The following LYN variants were observed in gnomAD, a reference collection of about 807,000 sequenced individuals.
The protein encoded by LYN is LYN proto-oncogene, Src family tyrosine kinase.
LYN carries 12 observed loss-of-function variants against 65.0 expected under a neutral mutation model. That is an observed-to-expected ratio of 0.18 (90% CI 0.12 to 0.30). The LOEUF (loss-of-function observed/expected upper bound fraction) is 0.30. LYN is among the 10% of genes least tolerant of loss of function. The probability of loss-of-function intolerance (pLI) is 1.00; values close to 1 mark genes in which losing one functional copy is unlikely to be tolerated. For missense variants in LYN, 380 were observed against 623.2 expected, an observed-to-expected ratio of 0.61 and a Z score of 4.16; for synonymous variants, 222 against 221.2, an observed-to-expected ratio of 1.00 and a Z score of -0.03.
chr8:56,009,844 T>C lies in LYN; in HGVS notation c.1337-64T>C, dbSNP rs1163187799. The C allele has an allele frequency of 3.7e-6, 5 of 1,360,776 alleles. No homozygotes were observed. The African/African-American group carries it at 5.7e-5, about 16-fold the overall frequency. 84.3% of individuals were successfully genotyped at this position (1,360,776 alleles called of 1,614,324 possible). A position where few individuals can be genotyped will look rare whatever the true frequency, so the allele number is the denominator to read the frequency against. On this transcript the variant is annotated intron_variant, in intron 12 of 12. Transcript: ENST00000519728. The stretch of plus-strand genomic sequence containing the variant: ...AGGAGCAAAAAGACCACTGCAGTGC[T>C]TGACCCTCTGCCAGGTTTCTAAACG...
At chr8:55,932,964 G>C (rs550818107) in intron 1 of LYN, among the ~76,000 whole-genome samples, 3 of 152,302 alleles carry the variant, frequency 2.0e-5, no homozygotes, top group Admixed American at 2.0e-4. Context: ...GACTACTAAA[G>C]TGGGGGAGGG....
chr8:55,913,490 G>T lies in LYN; in HGVS notation c.-5-28365G>T, dbSNP rs138348583. Reference sequence around the variant, plus strand: ...TAGAAAACACCAACTTGAATAAAACGATTAAAGTTGTGCTTGCTGAATTTC... The same window carrying T: ...TAGAAAACACCAACTTGAATAAAACTATTAAAGTTGTGCTTGCTGAATTTC... On this transcript the variant is annotated intron_variant, in intron 1 of 12. Transcript: ENST00000519728. Among the ~76,000 whole-genome samples, 10 of 152,282 alleles carry T rather than the reference G, an allele frequency of 6.6e-5. 1 individual carries two copies. The highest frequency in any genetic ancestry group is 3.9e-4 in the Admixed American group (6 of 15,298).
intron 1 of LYN, among the ~76,000 whole-genome samples, chr8:55,890,133 A>ATAAAT (rs1804914027): frequency 6.7e-6 from 1 of 150,056 alleles, no homozygotes. Context: ...AAAAAAAAAA[A>ATAAAT]AAAAAGAATA....
chr8:56,000,706 C>T (rs1180442630), intron 12 of LYN, among the ~76,000 whole-genome samples: 6 of 113,986 alleles, frequency 5.3e-5, no homozygotes, highest in Non-Finnish European at 9.7e-5. Flanking sequence ...CTAGCCATGG[C>T]GACAGAGTGA....
chr8:55,992,728 C>T (rs1808282632), intron 10 of LYN, among the ~76,000 whole-genome samples: 2 of 152,192 alleles, frequency 1.3e-5, no homozygotes, highest in South Asian at 4.1e-4. Flanking sequence ...GCTCTGGAGG[C>T]TGGGAAGTCC....
At chr8:55,948,266 A>T (rs1481207946) in intron 4 of LYN, among the ~76,000 whole-genome samples, 1 of 152,048 alleles carries the variant, frequency 6.6e-6, no homozygotes, top group East Asian at 1.9e-4. Flanking sequence ...GAGCCACCAC[A>T]CCCAGCCTGG....
chr8:56,009,197 A>T (rs1808750815), intron 12 of LYN, among the ~76,000 whole-genome samples: 1 of 152,230 alleles, frequency 6.6e-6, no homozygotes, highest in Admixed American at 6.5e-5. Flanking sequence ...TGCAAACATA[A>T]TTAAAGTTGA....
chr8:55,961,049 G>A (rs1490147010), intron 8 of LYN, among the ~76,000 whole-genome samples: 1 of 152,186 alleles, frequency 6.6e-6, no homozygotes, highest in Non-Finnish European at 1.5e-5. Context: ...GAGGAAGGAA[G>A]GAAACTTATT....
chr8:55,910,454 C>T (rs1380505930), intron 1 of LYN, among the ~76,000 whole-genome samples: 3 of 152,020 alleles, frequency 2.0e-5, no homozygotes, highest in Admixed American at 6.6e-5. Flanking sequence ...ATCAGTTGGC[C>T]GTAGATTTAT....
intron 10 of LYN, 37 bp from the exon 11 acceptor site, chr8:55,998,309 C>G: frequency 1.3e-6 from 2 of 1,577,324 alleles, no homozygotes; most frequent in Non-Finnish European, 1.7e-6. Flanking sequence ...AGTCACCTAC[C>G]CTACATATGA....
intron 1 of LYN, among the ~76,000 whole-genome samples, chr8:55,906,968 G>A (rs769928913): frequency 5.9e-5 from 9 of 152,186 alleles, no homozygotes; most frequent in Non-Finnish European, 4.4e-5. Context: ...CCAAATGCTG[G>A]CAAGGATCAG....
intron 10 of LYN, among the ~76,000 whole-genome samples, chr8:55,974,918 C>T (rs76126067): frequency 6.6e-6 from 1 of 152,208 alleles, no homozygotes; most frequent in African/African-American, 2.4e-5. Context: ...ACATGGTTTG[C>T]GGTTTAACCA....
At chr8:55,983,735 T>C (rs1807995793) in intron 10 of LYN, among the ~76,000 whole-genome samples, 1 of 152,194 alleles carries the variant, frequency 6.6e-6, no homozygotes, top group Non-Finnish European at 1.5e-5. Flanking sequence ...CTGCTTTTCC[T>C]TCCCCCTCAC....
chr8:55,946,756 C>T (rs530532276), intron 3 of LYN, among the ~76,000 whole-genome samples: 2 of 152,232 alleles, frequency 1.3e-5, no homozygotes, highest in East Asian at 1.9e-4. Context: ...TTGCCTCCTC[C>T]CCCAGCCGCT....
intron 1 of LYN, among the ~76,000 whole-genome samples, chr8:55,911,093 A>ATATATG (rs1554576152): frequency 1.2e-4 from 4 of 33,820 alleles, no homozygotes; most frequent in African/African-American, 3.8e-4. Context: ...ATATATATAT[A>ATATATG]TATATACATA....
chr8:55,892,254 C>T (rs1037994187), intron 1 of LYN, among the ~76,000 whole-genome samples: 5 of 152,158 alleles, frequency 3.3e-5, no homozygotes, highest in Admixed American at 3.3e-4. Flanking sequence ...AACCCCATCT[C>T]TTCTAAAAAT....
chr8:55,903,360 T>C (rs1343723228), intron 1 of LYN, among the ~76,000 whole-genome samples: 1 of 152,228 alleles, frequency 6.6e-6, no homozygotes, highest in Admixed American at 6.5e-5. Flanking sequence ...TTATTTGAAG[T>C]ATTCAAAAGA....
chr8:55,957,251 G>A (rs2719241), intron 8 of LYN, among the ~76,000 whole-genome samples: 31,611 of 152,098 alleles, frequency 0.21, 3,721 homozygotes, highest in Middle Eastern at 0.29. Context: ...GTCTGACTCC[G>A]TGTGCCCTAT....
At chr8:55,906,620 G>A (rs1213630702) in intron 1 of LYN, among the ~76,000 whole-genome samples, 1 of 151,698 alleles carries the variant, frequency 6.6e-6, no homozygotes, top group Non-Finnish European at 1.5e-5. Context: ...GCCTCCCAAA[G>A]TACTGGGATT....
Sources: gnomAD v4.1 joint callset for allele counts (sites outside exome capture counted in the v4.1 genomes callset) on GRCh38, gnomAD v4.1.1 for gene constraint, MANE v1.5 for transcripts, NCBI Gene and HGNC (gene_info 2026-07-23, HGNC 2026-07-21) for gene names.